SLC30A8: variants seen among roughly 807,000 people sequenced by gnomAD.
SLC30A8 encodes the protein solute carrier family 30 member 8.
Under a neutral mutation model 36.9 loss-of-function variants are expected in SLC30A8, and 27 were observed. The observed-to-expected ratio is 0.73, with a 90% CI of 0.54 to 1.01. SLC30A8 has a LOEUF of 1.01. Ranked by LOEUF, SLC30A8 falls within the 50% of genes least tolerant of loss-of-function variation. SLC30A8 has a pLI of 0.00. For missense variants in SLC30A8, 439 were observed against 452.0 expected (o/e 0.97, Z 0.26); for synonymous variants, 164 against 172.4 (o/e 0.95, Z 0.38).
intron 6 of SLC30A8, among the ~76,000 whole-genome samples, chr8:117,166,932 G>T (rs1212185790): frequency 2.0e-5 from 3 of 151,764 alleles, no homozygotes; most frequent in Non-Finnish European, 4.4e-5. Flanking sequence ...AGATAATAGT[G>T]TTGACAACAG....
At chr8:117,156,459 C>G (rs1458045096) in intron 3 of SLC30A8, among the ~76,000 whole-genome samples, 1 of 152,144 alleles carries the variant, frequency 6.6e-6, no homozygotes, top group Non-Finnish European at 1.5e-5. Context: ...AAAATTCAGG[C>G]TCAAATAGGT....
At chr8:116,992,038 C>G (rs143473222) in intron 1 of SLC30A8, among the ~76,000 whole-genome samples, 1 of 152,090 alleles carries the variant, frequency 6.6e-6, no homozygotes, top group South Asian at 2.1e-4. Context: ...TGGCTTTTTA[C>G]GTGTTACTTA....
intron 2 of SLC30A8, among the ~76,000 whole-genome samples, chr8:117,058,996 C>T (rs1817952155): frequency 6.6e-6 from 1 of 151,510 alleles, no homozygotes; most frequent in Non-Finnish European, 1.5e-5. Flanking sequence ...AAAAAAATTG[C>T]AAGGATAAAA....
chr8:116,980,704 A>C (rs1815220490), intron 1 of SLC30A8, among the ~76,000 whole-genome samples: 1 of 152,190 alleles, frequency 6.6e-6, no homozygotes, highest in Non-Finnish European at 1.5e-5. Context: ...CAGCAGAACA[A>C]GGTAAAGAAT....
At chr8:116,966,065 G>A (rs59127967) in intron 1 of SLC30A8, among the ~76,000 whole-genome samples, 2,253 of 151,910 alleles carry the variant, frequency 0.015, 63 homozygotes, top group African/African-American at 0.051. Context: ...TGTATTTTTA[G>A]TAGAGACAGG....
At chr8:117,105,512 T>C (rs557511202) in intron 2 of SLC30A8, among the ~76,000 whole-genome samples, 2 of 152,272 alleles carry the variant, frequency 1.3e-5, no homozygotes, top group African/African-American at 4.8e-5. Context: ...TATTAACGAA[T>C]ACGCATACAT....
intron 2 of SLC30A8, among the ~76,000 whole-genome samples, chr8:117,110,345 G>C (rs976649342): frequency 1.2e-4 from 19 of 152,220 alleles, no homozygotes; most frequent in South Asian, 1.0e-3. Context: ...ACAGAGGTGA[G>C]GACTTCTTTC....
chr8:117,097,387 A>T (rs1348392028), intron 2 of SLC30A8, among the ~76,000 whole-genome samples: 2 of 105,742 alleles, frequency 1.9e-5, no homozygotes, highest in East Asian at 5.3e-4. Flanking sequence ...ACAAAGCAAG[A>T]CTCCATCTCA....
At chr8:117,032,171 G>C (rs571706309) in intron 1 of SLC30A8, among the ~76,000 whole-genome samples, 1 of 149,548 alleles carries the variant, frequency 6.7e-6, no homozygotes, top group South Asian at 2.1e-4. Flanking sequence ...TTTTTTTTCA[G>C]CTTCTCAGGC....
chr8:117,079,927 T>C (rs1023636294), intron 2 of SLC30A8, among the ~76,000 whole-genome samples: 1 of 152,228 alleles, frequency 6.6e-6, no homozygotes, highest in Non-Finnish European at 1.5e-5. Context: ...TCCAGAATCC[T>C]AACAGAACAA....
intron 1 of SLC30A8, among the ~76,000 whole-genome samples, chr8:117,037,667 G>A (rs1409430518): frequency 6.6e-6 from 1 of 152,116 alleles, no homozygotes; most frequent in Non-Finnish European, 1.5e-5. Flanking sequence ...AGGAATAGGG[G>A]TTAAAAAGAA....
intron 2 of SLC30A8, among the ~76,000 whole-genome samples, chr8:117,084,231 T>C (rs900854191): frequency 6.6e-6 from 1 of 152,082 alleles, no homozygotes; most frequent in East Asian, 1.9e-4. Flanking sequence ...AATAAAGAAA[T>C]TGGCCTCTTA....
intron 2 of SLC30A8, among the ~76,000 whole-genome samples, chr8:117,050,704 C>T (rs930427744): frequency 6.6e-6 from 1 of 152,184 alleles, no homozygotes; most frequent in African/African-American, 2.4e-5. Flanking sequence ...CCACGCCTGG[C>T]TGACTGATTT....
chr8:117,065,819 G>C (rs544941324), intron 2 of SLC30A8, among the ~76,000 whole-genome samples: 1 of 152,258 alleles, frequency 6.6e-6, no homozygotes, highest in African/African-American at 2.4e-5. Flanking sequence ...TAAGTGAGTA[G>C]ATGCGTCTAA....
intron 1 of SLC30A8, among the ~76,000 whole-genome samples, chr8:116,978,897 G>A (rs377463469): frequency 3.3e-5 from 5 of 151,818 alleles, no homozygotes; most frequent in African/African-American, 1.2e-4. Flanking sequence ...TCCTACCTGT[G>A]AAGGGCTGTA....
At chr8:116,964,995 GGT>G (rs1814549599) in intron 1 of SLC30A8, among the ~76,000 whole-genome samples, 1 of 152,156 alleles carries the variant, frequency 6.6e-6, no homozygotes, top group African/African-American at 2.4e-5. Flanking sequence ...GGAGTGCGAT[GGT>G]GTGATCTCAG....
At chr8:116,957,018 A>T (rs1171590242) in intron 1 of SLC30A8, among the ~76,000 whole-genome samples, 2 of 152,194 alleles carry the variant, frequency 1.3e-5, no homozygotes, top group Non-Finnish European at 2.9e-5. Context: ...TGAGTGCAAA[A>T]CAAATATACA....
chr8:117,081,774 A>G (rs1374741344), intron 2 of SLC30A8, among the ~76,000 whole-genome samples: 1 of 152,188 alleles, frequency 6.6e-6, no homozygotes, highest in Non-Finnish European at 1.5e-5. Flanking sequence ...AAGTCTTCCA[A>G]TTTCAAAAAT....
chr8:116,972,720 G>GTAAA (rs1450811835), intron 1 of SLC30A8, among the ~76,000 whole-genome samples: 1 of 152,176 alleles, frequency 6.6e-6, no homozygotes, highest in East Asian at 1.9e-4. Flanking sequence ...TTACTCAAGT[G>GTAAA]GTCAGAGAAC....
Sources: gnomAD v4.1 joint callset for allele counts (sites outside exome capture counted in the v4.1 genomes callset) on GRCh38, gnomAD v4.1.1 for gene constraint, MANE v1.5 for transcripts, NCBI Gene and HGNC (gene_info 2026-07-23, HGNC 2026-07-21) for gene names.